Variants in GNG7 observed in about 807,000 individuals in gnomAD.
GNG7 encodes guanine nucleotide-binding protein G(I)/G(S)/G(O) subunit gamma-7.
In GNG7, 1 loss-of-function variant was observed where a neutral mutation model predicts 4.0. The ratio of observed to expected loss-of-function variants is 0.25; its 90% confidence interval spans 0.09 to 1.18. The LOEUF is 1.18. Among genes scored for constraint, GNG7 ranks in the 50% most tolerant of loss-of-function variants. The probability of loss-of-function intolerance (pLI) is 0.50; values close to 1 mark genes in which losing one functional copy is unlikely to be tolerated. For missense variants in GNG7, 86 were observed against 91.9 expected (o/e 0.94, Z 0.26); for synonymous variants, 34 against 36.9 (o/e 0.92, Z 0.29).
In GNG7 at chr19:2,633,585, G is replaced by A. The variant is rs935567651; in HGVS notation, c.-78+12639C>T. Among the ~76,000 whole-genome samples the A allele has an allele frequency of 1.5e-4, 23 of 151,936 alleles. No individual in the cohort carries two copies. The highest frequency in any genetic ancestry group is 5.1e-4 in the African/African-American group (21 of 41,370). ...ACTCAGATCCCCGGGCTCGGTGGTCGTGGATGTGAGCCTCTCTGGGTATGG... is the reference window on the plus strand; with the variant it reads ...ACTCAGATCCCCGGGCTCGGTGGTCATGGATGTGAGCCTCTCTGGGTATGG... On this transcript the variant is annotated intron_variant, in intron 2 of 4. Coordinates refer to ENST00000382159, the MANE Select transcript of GNG7 (RefSeq NM_052847.3). This position sits in a 1 kb window ranked among gnomAD's most constrained non-coding sequence, Gnocchi z 5.9.
intron 2 of GNG7, among the ~76,000 whole-genome samples, chr19:2,596,633 C>T (rs957634051): frequency 2.8e-4 from 42 of 151,670 alleles, no homozygotes; most frequent in Non-Finnish European, 1.8e-4. Context: ...TATGCCACTG[C>T]ACTCCAGCCT....
rs946914698 is a variant in GNG7, at chr19:2,633,679, G to C, written c.-78+12545C>G. On this transcript the variant is annotated intron_variant, in intron 2 of 4. Transcript: ENST00000382159. This position sits in a 1 kb window ranked among gnomAD's most constrained non-coding sequence, Gnocchi z 5.9. Reference sequence around the variant, plus strand: ...AACGGGGATTCATTGAGAGGACATCGGTGGGCTTGAAAACGGGTGTCTGTT... The same window carrying C: ...AACGGGGATTCATTGAGAGGACATCCGTGGGCTTGAAAACGGGTGTCTGTT... 3.3e-5 allele frequency among the ~76,000 whole-genome samples: 5 copies of C among 152,046 alleles called. No individual in the cohort carries two copies. The highest frequency in any genetic ancestry group is 7.4e-5 in the Non-Finnish European group (5 of 67,994).
intron 3 of GNG7, among the ~76,000 whole-genome samples, chr19:2,524,326 G>A (rs182596433): frequency 0.027 from 4,121 of 152,362 alleles, 208 homozygotes; most frequent in African/African-American, 0.094. Context: ...AGAGAGGACT[G>A]CGCTGTGTGT....
chr19:2,554,639 C>T (rs1393345102), intron 3 of GNG7, among the ~76,000 whole-genome samples: 1 of 151,402 alleles, frequency 6.6e-6, no homozygotes, highest in East Asian at 1.9e-4. Flanking sequence ...ACTGCAACCT[C>T]CATCTCCCAG....
intron 2 of GNG7, among the ~76,000 whole-genome samples, chr19:2,638,036 G>T (rs554670835): frequency 6.6e-6 from 1 of 152,204 alleles, no homozygotes; most frequent in Non-Finnish European, 1.5e-5. Flanking sequence ...GTTTATTCTG[G>T]TGTCCAGTGT....
chr19:2,552,332 C>T (rs1052768315), intron 3 of GNG7, among the ~76,000 whole-genome samples: 1 of 151,966 alleles, frequency 6.6e-6, no homozygotes, highest in Non-Finnish European at 1.5e-5. Flanking sequence ...AATCTAATGC[C>T]TGATGATCTG....
intron 1 of GNG7, among the ~76,000 whole-genome samples, chr19:2,682,898 A>G (rs1983776928): frequency 6.6e-6 from 1 of 151,916 alleles, no homozygotes; most frequent in Admixed American, 6.6e-5. Context: ...TTCAAATAAC[A>G]GTCTACTGCA....
intron 1 of GNG7, among the ~76,000 whole-genome samples, chr19:2,697,540 C>T (rs1913295365): frequency 6.6e-6 from 1 of 152,190 alleles, no homozygotes; most frequent in African/African-American, 2.4e-5. Flanking sequence ...CCTTAAGAGA[C>T]AGAGGCCAGG....
intron 1 of GNG7, among the ~76,000 whole-genome samples, chr19:2,680,006 C>T (rs764837947): frequency 1.3e-5 from 2 of 152,124 alleles, no homozygotes; most frequent in Admixed American, 6.6e-5. Context: ...AAAACAGGAC[C>T]GTCTTCTTAC....
At chr19:2,520,529 C>G in intron 4 of GNG7, 79 bp downstream of exon 4, 2 of 762,618 alleles carry the variant, frequency 2.6e-6, no homozygotes, top group Non-Finnish European at 4.6e-6. Context: ...CCTCTGCCCT[C>G]CTGCCGAGCC....
Position 2,618,345 on chromosome 19 carries a change from G to C in GNG7, c.-78+27879C>G, listed in dbSNP as rs975147250. Among the ~76,000 whole-genome samples, 1 of 115,834 alleles carries C rather than the reference G, an allele frequency of 8.6e-6. No homozygotes were observed. The highest frequency in any genetic ancestry group is 1.8e-5 in the Non-Finnish European group (1 of 56,664). The allele number at this position is 115,834 out of a possible 152,430, so 76.0% of individuals were successfully genotyped here. ...TCTTTTCTACCTGTATGTGTGTGGT[G>C]TGTGTGTGTGTGTGTGTGTGTGTGT... On this transcript the variant is annotated intron_variant, in intron 2 of 4. Transcript: ENST00000382159. This position sits in a 1 kb window ranked among gnomAD's most constrained non-coding sequence, Gnocchi z 5.1.
intron 3 of GNG7, among the ~76,000 whole-genome samples, chr19:2,533,926 T>G (rs1249780291): frequency 6.6e-6 from 1 of 152,180 alleles, no homozygotes; most frequent in African/African-American, 2.4e-5. Flanking sequence ...ATATCAGCCT[T>G]CAGCTCAGTC....
chr19:2,620,402 C>A (rs76831814), intron 2 of GNG7, among the ~76,000 whole-genome samples: 3,631 of 152,060 alleles, frequency 0.024, 157 homozygotes, highest in African/African-American at 0.084. Flanking sequence ...ACCCACACAC[C>A]AGAGCTGGGC....
chr19:2,515,235 C>A, intron 4 of GNG7, 88 bp from the exon 5 acceptor site: 1 of 1,543,466 alleles, frequency 6.5e-7, no homozygotes, highest in Non-Finnish European at 8.8e-7. Context: ...CCAAGAGCCA[C>A]AGGCGGAAAC....
intron 2 of GNG7, among the ~76,000 whole-genome samples, chr19:2,588,775 C>G (rs548224757): frequency 6.6e-6 from 1 of 152,160 alleles, no homozygotes; most frequent in Non-Finnish European, 1.5e-5. Flanking sequence ...CTGATCACAC[C>G]GCAGACCCCA....
intron 2 of GNG7, among the ~76,000 whole-genome samples, chr19:2,613,583 TG>T (rs1479982902): frequency 7.3e-5 from 11 of 151,632 alleles, no homozygotes; most frequent in African/African-American, 2.7e-4. Flanking sequence ...GTAGGAGAGA[TG>T]GTCACGGAAT....
At chr19:2,539,570 G>A (rs537172115) in intron 3 of GNG7, among the ~76,000 whole-genome samples, 7 of 152,076 alleles carry the variant, frequency 4.6e-5, no homozygotes, top group East Asian at 1.9e-4. Flanking sequence ...CTCCCAAAGC[G>A]CTGGGATTAC....
chr19:2,650,143 A>G (rs1036331040), intron 1 of GNG7, among the ~76,000 whole-genome samples: 1 of 150,228 alleles, frequency 6.7e-6, no homozygotes, highest in Non-Finnish European at 1.5e-5. Context: ...CTTGTTGGCA[A>G]TTGTGAATCT....
chr19:2,655,411 T>C (rs1309576413), intron 1 of GNG7, among the ~76,000 whole-genome samples: 2 of 151,936 alleles, frequency 1.3e-5, no homozygotes, highest in African/African-American at 4.8e-5. Context: ...AGATAAAAGA[T>C]AAAAAACATT....
Sources: allele counts gnomAD v4.1 joint callset (sites outside exome capture counted in the v4.1 genomes callset), GRCh38; gene constraint gnomAD v4.1.1; non-coding constraint Gnocchi (gnomAD v3.1); transcripts MANE v1.5; gene names NCBI Gene and HGNC (gene_info 2026-07-23, HGNC 2026-07-21).